Variants in TRPM2 observed in about 807,000 individuals in gnomAD.
The protein encoded by TRPM2 is transient receptor potential cation channel subfamily M member 2, also known as estrogen-responsive element-associated gene 1 protein.
A neutral mutation model predicts 174.0 loss-of-function variants in TRPM2; 161 were observed. The ratio of observed to expected loss-of-function variants is 0.93; its 90% CI spans 0.81 to 1.05. The LOEUF is 1.05. Ranked by LOEUF, TRPM2 falls within the 50% of genes least tolerant of loss-of-function variation. TRPM2 has a pLI of 0.00. For synonymous variants in TRPM2, 954 were observed against 861.3 expected (o/e 1.11, Z -1.88); for missense variants, 2,057 against 2,038.0 (o/e 1.01, Z -0.18).
chr21:44,424,740 A>T, intron 23 of TRPM2, 112 bp from the exon 24 acceptor site: 1 of 618,338 alleles, frequency 1.6e-6, no homozygotes, highest in Non-Finnish European at 2.6e-6. Context: ...GCAGGGGCTG[A>T]GTGACAGGGG....
intron 2 of TRPM2, among the ~76,000 whole-genome samples, chr21:44,357,809 G>A (rs2048101503): frequency 6.6e-6 from 1 of 152,170 alleles, no homozygotes; most frequent in Non-Finnish European, 1.5e-5. Context: ...TTGAAAGCAG[G>A]CCCCTCTGAG....
intron 2 of TRPM2, among the ~76,000 whole-genome samples, chr21:44,356,531 ATT>A (rs143434691): frequency 0.23 from 31,158 of 137,296 alleles, 3,521 homozygotes; most frequent in African/African-American, 0.35. Flanking sequence ...CTGCTTGGCT[ATT>A]TTTTTTTTTT....
rs897101123 is a variant in TRPM2 at position 44,440,959 on chromosome 21, G to T, written c.4386+54G>T. On this transcript the variant is annotated intron_variant, in intron 31 of 31. Coordinates refer to ENST00000397928, the MANE Select transcript of TRPM2 (RefSeq NM_003307.4). ...AGTGGGGAGGCAGGGACGGGTATGGGCGTGGCCTCCGGGGAGGGGGTTGGC... is the reference window on the plus strand; with the variant it reads ...AGTGGGGAGGCAGGGACGGGTATGGTCGTGGCCTCCGGGGAGGGGGTTGGC... 3.3e-6 allele frequency: 5 copies of T among 1,522,688 alleles called. No homozygotes were observed. The East Asian group carries it at 1.1e-4, about 34-fold the overall frequency. 94.3% of individuals were successfully genotyped at this position (1,522,688 alleles called of 1,614,324 possible). A position where few individuals can be genotyped will look rare whatever the true frequency, so the allele number is the denominator to read the frequency against.
intron 22 of TRPM2, among the ~76,000 whole-genome samples, chr21:44,422,648 C>T (rs974096361): frequency 6.6e-6 from 1 of 152,144 alleles, no homozygotes; most frequent in Non-Finnish European, 1.5e-5. Flanking sequence ...CAGGGGACAG[C>T]GGATGAGAGC....
intron 5 of TRPM2, among the ~76,000 whole-genome samples, 182 bp from the exon 6 acceptor site, chr21:44,375,651 C>T (rs1434374092): frequency 1.3e-5 from 2 of 152,188 alleles, no homozygotes. Context: ...TGGGCCCACT[C>T]GGATCATCCA....
At chr21:44,396,354 A>T (rs1029028235) in intron 12 of TRPM2, among the ~76,000 whole-genome samples, 1 of 1,448 alleles carries the variant, frequency 6.9e-4, no homozygotes. Context: ...CTGTGGAGGG[A>T]TGTGGAGGGG....
chr21:44,378,797 T>A (rs1251167769), intron 7 of TRPM2, among the ~76,000 whole-genome samples, 200 bp from the exon 8 acceptor site: 2 of 152,200 alleles, frequency 1.3e-5, no homozygotes, highest in African/African-American at 4.8e-5. Context: ...AGGTGCCAGG[T>A]GTGCAGCCCC....
intron 23 of TRPM2, among the ~76,000 whole-genome samples, chr21:44,424,081 A>G (rs536004546): frequency 3.3e-5 from 5 of 152,046 alleles, no homozygotes; most frequent in Admixed American, 6.5e-5. Flanking sequence ...CGAGGTGGGG[A>G]GGACTTAGAG....
intron 20 of TRPM2, chr21:44,414,476 G>A (rs1037030958): frequency 7.5e-5 from 15 of 200,236 alleles, no homozygotes; most frequent in Non-Finnish European, 1.0e-4. Context: ...TGCTGGGGCC[G>A]CTGCTGCTCA....
rs893779432 is a variant in TRPM2 at position 44,366,036 on chromosome 21, G to A, written c.424-718G>A. ...TTTGTGTCTCTGCTAGGCCAATCCC[G>A]GCGGAGATTGCAGACCCCGCTGGGT... On this transcript the variant is annotated intron_variant, in intron 3 of 31. Coordinates refer to ENST00000397928, the MANE Select transcript of TRPM2 (RefSeq NM_003307.4). The surrounding 1 kb of genome is among the most constrained non-coding windows in gnomAD (Gnocchi z 6.0). Among the ~76,000 whole-genome samples, 11 of 152,340 alleles carry A rather than the reference G, an allele frequency of 7.2e-5. No homozygotes were observed. The highest frequency in any genetic ancestry group is 1.9e-4 in the East Asian group (1 of 5,186).
Position 44,399,378 on chromosome 21 carries a change from C to T in TRPM2, c.2145C>T (p.Thr715=). Residue 715 remains threonine, a synonymous_variant, in exon 14 of 32, where the codon ACC becomes ACT. Transcript: ENST00000397928. This position sits in a 1 kb window ranked among gnomAD's most constrained non-coding sequence, Gnocchi z 4.6. ...LTRVSEAWGK[T]TCLQLALEAK... is the part of the protein sequence containing the mutation. Reference sequence around the variant, plus strand: ...GCGTGTCCGAGGCCTGGGGGAAGACCACCTGCCTGCAGCTCGCCCTGGAGG... The same window carrying T: ...GCGTGTCCGAGGCCTGGGGGAAGACTACCTGCCTGCAGCTCGCCCTGGAGG... 1 of 1,612,850 alleles carries T rather than the reference C, an allele frequency of 6.2e-7. No homozygotes were observed. The highest frequency in any genetic ancestry group is 8.5e-7 in the Non-Finnish European group (1 of 1,179,922).
intron 8 of TRPM2, 137 bp downstream of exon 8, chr21:44,379,334 G>C (rs2048806859): frequency 9.8e-7 from 1 of 1,021,562 alleles, no homozygotes. Flanking sequence ...GCGATTTGCA[G>C]AGGGCAGGGC....
rs769143821 is a variant in TRPM2, at chr21:44,441,679, C to G, written c.4387-13C>G. ...GCTGGCGGGGAGGGTCAGCTGTGCC[C>G]TTGTTCTTCCAGAACCTGCACGCCT... is the stretch of plus-strand genomic sequence containing the variant. On this transcript the variant is annotated splice_polypyrimidine_tract_variant and intron_variant, in intron 31 of 31. Coordinates refer to ENST00000397928, the MANE Select transcript of TRPM2 (RefSeq NM_003307.4). 3.1e-6 allele frequency: 5 copies of G among 1,604,318 alleles called. No homozygotes were observed. The South Asian group carries it at 5.6e-5, about 18-fold the overall frequency.
At position 44,364,264 on chromosome 21, in the gene TRPM2, G is replaced by A. The variant is rs751945906; in HGVS notation, c.405G>A (p.Leu135=). 1.2e-6 allele frequency: 2 copies of A among 1,614,104 alleles called. No individual in the cohort carries two copies. Among genetic ancestry groups the A allele is most frequent in the Non-Finnish European group, 1.7e-6 (2 of 1,180,048 alleles). Residue 135 remains leucine, a synonymous_variant, in exon 3 of 32, where the codon CTG becomes CTA. Coordinates refer to ENST00000397928, the MANE Select transcript of TRPM2 (RefSeq NM_003307.4). ...DAFGDIVFTG[L]SQKVKKYVRV... ...TTGGCGACATCGTCTTCACGGGCCT[G>A]AGCCAGAAGGTGAAAAAGGTTGGTT...
At chr21:44,423,580 G>A in intron 22 of TRPM2, 65 bp from the exon 23 acceptor site, 3 of 1,389,428 alleles carry the variant, frequency 2.2e-6, no homozygotes, top group Non-Finnish European at 3.0e-6. Context: ...TGTCTGCAGA[G>A]CGGTGTGGCG....
intron 27 of TRPM2, among the ~76,000 whole-genome samples, chr21:44,434,711 G>A (rs1374907626): frequency 6.6e-6 from 1 of 152,112 alleles, no homozygotes; most frequent in African/African-American, 2.4e-5. Context: ...AGGGCCTCTG[G>A]GTGTCTGGCC....
chr21:44,398,791 G>A (rs1007888088), intron 13 of TRPM2, among the ~76,000 whole-genome samples: 1 of 152,190 alleles, frequency 6.6e-6, no homozygotes, highest in Non-Finnish European at 1.5e-5. Context: ...CCTAGGAAGA[G>A]TTGGGGAGGT....
In TRPM2 at chr21:44,400,343, C is replaced by G; in HGVS notation, c.2293C>G (p.Leu765Val). The G allele has an allele frequency of 6.2e-7, 1 of 1,612,510 alleles. No individual in the cohort carries two copies. The highest frequency in any genetic ancestry group is 8.5e-7 in the Non-Finnish European group (1 of 1,179,880). Residue 765 changes from leucine to valine, a missense_variant, in exon 15 of 32, where the codon CTG becomes GTG. Physicochemically the swap from Leu to Val is conservative, Grantham distance 32 (BLOSUM62 1). Coordinates refer to ENST00000397928, the MANE Select transcript of TRPM2 (RefSeq NM_003307.4). ...RVTLCMLAFP[L>V]LLTGLISFRE... Reference sequence around the variant, plus strand: ...GACCCTGTGCATGCTGGCCTTCCCGCTGCTCCTCACCGGCCTCATCTCCTT... The same window carrying G: ...GACCCTGTGCATGCTGGCCTTCCCGGTGCTCCTCACCGGCCTCATCTCCTT...
intron 3 of TRPM2, 40 bp downstream of exon 3, chr21:44,364,322 C>T (rs1367482601): frequency 5.6e-6 from 9 of 1,604,962 alleles, no homozygotes; most frequent in Non-Finnish European, 7.7e-6. Context: ...GTAGGTGGAG[C>T]TGCATGGCCC....
Sources: gnomAD v4.1 joint callset for allele counts (sites outside exome capture counted in the v4.1 genomes callset) on GRCh38, gnomAD v4.1.1 for gene constraint, Gnocchi (gnomAD v3.1) non-coding constraint, MANE v1.5 for transcripts, NCBI Gene and HGNC (gene_info 2026-07-23, HGNC 2026-07-21) for gene names.